The following CLUAP1 variants were observed in gnomAD, a reference collection of about 807,000 sequenced individuals.
CLUAP1 encodes the protein clusterin-associated protein 1.
A neutral mutation model predicts 55.0 loss-of-function variants in CLUAP1; 50 were observed. The observed-to-expected ratio is 0.91, with a 90% CI of 0.72 to 1.15. The LOEUF (loss-of-function observed/expected upper bound fraction) is 1.15, where lower values mean the gene tolerates loss of function less well. Among genes scored for constraint, CLUAP1 ranks in the 50% most tolerant of loss-of-function variants. The pLI is 0.00. For synonymous variants in CLUAP1, 195 were observed against 175.4 expected, an observed-to-expected ratio of 1.11 and a Z score of -0.88; for missense variants, 530 against 507.6, an observed-to-expected ratio of 1.04 and a Z score of -0.42.
chr16:3,535,210 T>A (rs1020951065), intron 11 of CLUAP1: 12 of 152,840 alleles, frequency 7.9e-5, no homozygotes, highest in African/African-American at 2.9e-4. Context: ...GAATGTTTCC[T>A]TCTTGACAGG....
intron 4 of CLUAP1, among the ~76,000 whole-genome samples, chr16:3,511,279 G>A (rs1300555305): frequency 2.0e-5 from 3 of 152,186 alleles, no homozygotes; most frequent in Admixed American, 6.5e-5. Context: ...AGTGAGCAGA[G>A]CAGGGAGACG....
rs947139149 is a variant in CLUAP1 at position 3,537,261 on chromosome 16, A to C, written c.*990A>C. Reference sequence around the variant, plus strand: ...ACAGATTCATGTTTCTGATTTAAAAAAACAACAACACAGGATTGAATTAAG... The same window carrying C: ...ACAGATTCATGTTTCTGATTTAAAACAACAACAACACAGGATTGAATTAAG... On this transcript the variant is annotated 3_prime_UTR_variant, in exon 12 of 12. Transcript: ENST00000576634. 7.9e-5 allele frequency: 12 copies of C among 152,256 alleles called. No homozygotes were observed. Among genetic ancestry groups the C allele is most frequent in the African/African-American group, 2.7e-4 (11 of 41,476 alleles). 9.4% of individuals were successfully genotyped at this position (152,256 alleles called of 1,614,324 possible).
chr16:3,521,416 T>C (rs530357751), intron 7 of CLUAP1, among the ~76,000 whole-genome samples: 1 of 151,726 alleles, frequency 6.6e-6, no homozygotes, highest in African/African-American at 2.4e-5. Flanking sequence ...CCAGTATAGA[T>C]TTTTATGGTT....
intron 11 of CLUAP1, 164 bp downstream of exon 11, chr16:3,533,005 C>G: frequency 7.3e-7 from 1 of 1,368,194 alleles, no homozygotes; most frequent in Admixed American, 2.0e-5. Flanking sequence ...CTGGACTCTT[C>G]GTTGCTCGTG....
chr16:3,498,749 A>T (rs2037337800), upstream of CLUAP1, among the ~76,000 whole-genome samples: 1 of 152,134 alleles, frequency 6.6e-6, no homozygotes, highest in Non-Finnish European at 1.5e-5. Context: ...AGTCCCAGCT[A>T]CTTGGGAGGC....
intron 11 of CLUAP1, chr16:3,535,556 T>C (rs1213628288): frequency 6.5e-6 from 1 of 153,522 alleles, no homozygotes; most frequent in African/African-American, 2.4e-5. Flanking sequence ...TCTTTCACTT[T>C]GCTCCCTTTT....
rs769946598 is a variant in CLUAP1, at chr16:3,512,413, G to C, written c.430G>C (p.Ala144Pro). 3 of 1,613,942 alleles carry C rather than the reference G, an allele frequency of 1.9e-6. No homozygotes were observed. The highest frequency in any genetic ancestry group is 2.5e-6 in the Non-Finnish European group (3 of 1,179,964). ...AGATTTGAAGGCAGCCAGGCAGCTTGCGTCTGAAATCACCTCCAAAGGAGC... is the reference window on the plus strand; with the variant it reads ...AGATTTGAAGGCAGCCAGGCAGCTTCCGTCTGAAATCACCTCCAAAGGAGC... ...IADLKAARQL[A>P]SEITSKGASL... Residue 144 changes from alanine (A) to proline (P), a missense_variant, in exon 5 of 12, where the codon GCG becomes CCG. By Grantham distance (27) the Ala-to-Pro change is conservative. Coordinates refer to ENST00000576634, the MANE Select transcript of CLUAP1 (RefSeq NM_015041.3).
chr16:3,497,926 G>A (rs1359423131), upstream of CLUAP1, among the ~76,000 whole-genome samples: 1 of 152,120 alleles, frequency 6.6e-6, no homozygotes, highest in Non-Finnish European at 1.5e-5. Flanking sequence ...CAAAGTGCTG[G>A]GGTGATAGGT....
upstream of CLUAP1, among the ~76,000 whole-genome samples, chr16:3,497,319 C>G (rs891000429): frequency 1.3e-5 from 2 of 151,780 alleles, no homozygotes; most frequent in Admixed American, 6.6e-5. Context: ...TTTCTAGATA[C>G]TAGCAAAGAA....
chr16:3,521,299 T>C (rs1337054420), intron 7 of CLUAP1, among the ~76,000 whole-genome samples: 4 of 152,202 alleles, frequency 2.6e-5, no homozygotes, highest in Non-Finnish European at 5.9e-5. Flanking sequence ...TGTTTTGCTC[T>C]AGTTCAAAAG....
In CLUAP1 at chr16:3,512,437, G is replaced by T; in HGVS notation, c.454G>T (p.Ala152Ser). Residue 152 changes from alanine to serine, a missense_variant, in exon 5 of 12, where the codon GCA becomes TCA. Transcript: ENST00000576634. ...TGCGTCTGAAATCACCTCCAAAGGA[G>T]CATCTCTGTATGACTTGCTCGGCAT... ...QLASEITSKG[A>S]SLYDLLGMEV... 1.2e-6 allele frequency: 2 copies of T among 1,614,102 alleles called. No homozygotes were observed. The highest frequency in any genetic ancestry group is 1.7e-6 in the Non-Finnish European group (2 of 1,179,974).
At chr16:3,517,050 A>C (rs2037741334) in intron 6 of CLUAP1, among the ~76,000 whole-genome samples, 1 of 152,200 alleles carries the variant, frequency 6.6e-6, no homozygotes, top group African/African-American at 2.4e-5. Flanking sequence ...ATAAAAAAAT[A>C]AATGAATATT....
chr16:3,504,598 C>G (rs1282072370), intron 1 of CLUAP1, 122 bp from the exon 2 acceptor site: 2 of 622,254 alleles, frequency 3.2e-6, no homozygotes, highest in Non-Finnish European at 5.9e-6. Context: ...AGAAAGTTGA[C>G]AAATAGTCCC....
At chr16:3,516,160 T>C (rs2037726020) in intron 6 of CLUAP1, among the ~76,000 whole-genome samples, 1 of 152,190 alleles carries the variant, frequency 6.6e-6, no homozygotes, top group African/African-American at 2.4e-5. Context: ...TTCCCAACTG[T>C]GTGGGGTCCT....
At chr16:3,496,281 GT>G, upstream of CLUAP1, 2 of 808,786 alleles carry the variant, frequency 2.5e-6, no homozygotes, top group Non-Finnish European at 4.2e-6. Context: ...AACTGAGGCT[GT>G]TTGTTGGTCA....
intron 7 of CLUAP1, 46 bp downstream of exon 7, chr16:3,520,082 G>A (rs780912903): frequency 1.3e-6 from 2 of 1,542,284 alleles, no homozygotes; most frequent in East Asian, 4.7e-5. Flanking sequence ...GTCCTGGAAA[G>A]TTCAAACAAA....
intron 10 of CLUAP1, 94 bp downstream of exon 10, chr16:3,530,769 A>C (rs1205384815): frequency 2.3e-6 from 2 of 888,274 alleles, no homozygotes; most frequent in African/African-American, 3.4e-5. Flanking sequence ...ATTGAGGCCC[A>C]CAAGCGTGCT....
At chr16:3,526,589 C>CT (rs906570264) in intron 9 of CLUAP1, 105 bp downstream of exon 9, 7 of 535,754 alleles carry the variant, frequency 1.3e-5, no homozygotes, top group African/African-American at 8.1e-5. Context: ...GTATTTTCTT[C>CT]TTTTTTTCAG....
intron 5 of CLUAP1, 77 bp from the exon 6 acceptor site, chr16:3,515,431 C>G (rs2037711382): frequency 1.0e-6 from 1 of 1,000,126 alleles, no homozygotes; most frequent in South Asian, 1.5e-5. Flanking sequence ...GTCTATAAGG[C>G]ACATCTAGAT....
Sources: gnomAD v4.1 joint callset for allele counts (sites outside exome capture counted in the v4.1 genomes callset) on GRCh38, gnomAD v4.1.1 for gene constraint, MANE v1.5 for transcripts, NCBI Gene and HGNC (gene_info 2026-07-23, HGNC 2026-07-21) for gene names.